LYRM4: variants seen among roughly 807,000 people sequenced by gnomAD.
The protein encoded by LYRM4 is LYR motif-containing protein 4.
LYRM4 carries 9 observed loss-of-function variants against 11.7 expected under a neutral mutation model. That is an observed-to-expected ratio of 0.77 (90% CI 0.46 to 1.34). LYRM4 has a LOEUF of 1.34. LYRM4 is among the 40% of genes most tolerant of loss of function. LYRM4 has a pLI of 0.00. For synonymous variants in LYRM4, 42 were observed against 40.4 expected, an observed-to-expected ratio of 1.04 and a Z score of -0.15; for missense variants, 133 against 112.5, an observed-to-expected ratio of 1.18 and a Z score of -0.82.
chr6:5,116,493 G>A (rs1328936899), intron 2 of LYRM4, among the ~76,000 whole-genome samples: 2 of 152,158 alleles, frequency 1.3e-5, no homozygotes, highest in African/African-American at 2.4e-5. Flanking sequence ...AGCACACAAC[G>A]GGAGGCTAGC....
downstream of LYRM4, among the ~76,000 whole-genome samples, chr6:5,101,968 C>CTTTATTTTTTTTTTTTTTTTT (rs1554124642): frequency 1.5e-5 from 1 of 67,988 alleles, no homozygotes; most frequent in Non-Finnish European, 3.0e-5. Flanking sequence ...CTAATGCTTT[C>CTTTATTTTTTTTTTTTTTTTT]TTTTTTTTTT....
At chr6:5,079,163 C>G in the LYRM4 span, among the ~76,000 whole-genome samples, 1 of 152,086 alleles carries the variant, frequency 6.6e-6, no homozygotes, top group East Asian at 1.9e-4. Context: ...GGTCTGAGAG[C>G]TTACACACCC....
At chr6:5,185,405 G>A (rs995972782) in intron 2 of LYRM4, among the ~76,000 whole-genome samples, 2 of 152,186 alleles carry the variant, frequency 1.3e-5, no homozygotes, top group African/African-American at 4.8e-5. Context: ...ATAAGCTTCT[G>A]TAGACATACC....
At chr6:5,117,833 A>C (rs984752831) in intron 2 of LYRM4, among the ~76,000 whole-genome samples, 1 of 151,918 alleles carries the variant, frequency 6.6e-6, no homozygotes, top group Admixed American at 6.6e-5. Context: ...TCGCCTGTGA[A>C]TAAATACTGC....
Position 5,135,430 on chromosome 6 carries a change from G to A in LYRM4, c.208-25939C>T, listed in dbSNP as rs1260407133. ...GTGGAGGGTGCGGTTCACTCCCGGG[G>A]CTGTGGAGGGTGCGGTTCACTCCCG... On this transcript the variant is annotated intron_variant, in intron 2 of 2. Coordinates refer to ENST00000330636, the MANE Select transcript of LYRM4 (RefSeq NM_020408.6). Among the ~76,000 whole-genome samples the A allele has an allele frequency of 7.5e-5, 3 of 39,872 alleles. No homozygotes were observed. In the South Asian group the frequency reaches 4.9e-3, roughly 65 times the overall value. The allele number at this position is 39,872 out of a possible 152,430, so 26.2% of individuals were successfully genotyped here. A position where few individuals can be genotyped will look rare whatever the true frequency, so the allele number is the denominator to read the frequency against.
intron 2 of LYRM4, among the ~76,000 whole-genome samples, chr6:5,128,428 A>C (rs1315020239): frequency 6.6e-6 from 1 of 152,192 alleles, no homozygotes; most frequent in Middle Eastern, 3.2e-3. Flanking sequence ...CTCAGGAGTA[A>C]ATGGAACTAC....
intron 2 of LYRM4, among the ~76,000 whole-genome samples, chr6:5,120,739 C>A (rs563311441): frequency 3.3e-5 from 5 of 152,134 alleles, no homozygotes; most frequent in African/African-American, 1.2e-4. Flanking sequence ...AGCCTCAGAG[C>A]GCTGATTGGT....
At chr6:5,139,247 C>T (rs1216065334) in intron 2 of LYRM4, among the ~76,000 whole-genome samples, 1 of 152,218 alleles carries the variant, frequency 6.6e-6, no homozygotes, top group African/African-American at 2.4e-5. Flanking sequence ...CCAGGCACCG[C>T]TGCATTTCCA....
downstream of LYRM4, chr6:5,102,449 G>A (rs1762535005): frequency 6.6e-6 from 1 of 152,182 alleles, no homozygotes; most frequent in African/African-American, 2.4e-5. Flanking sequence ...CTGTATTCAA[G>A]ACTGATGAAG....
chr6:5,105,059 T>C (rs2127590660), downstream of LYRM4: 1 of 152,342 alleles, frequency 6.6e-6, no homozygotes, highest in Non-Finnish European at 1.5e-5. Flanking sequence ...GTTTGCTATG[T>C]GGCCCTGAGA....
the LYRM4 span, among the ~76,000 whole-genome samples, chr6:5,050,272 C>A: frequency 6.6e-6 from 1 of 152,232 alleles, no homozygotes; most frequent in South Asian, 2.1e-4. Flanking sequence ...ACCAGCCAGG[C>A]AAACAGCTAT....
chr6:5,117,970 G>A (rs1479863060), intron 2 of LYRM4, among the ~76,000 whole-genome samples: 3 of 151,406 alleles, frequency 2.0e-5, no homozygotes, highest in African/African-American at 4.9e-5. Flanking sequence ...AGTACCTTCT[G>A]ATACACCCAG....
intron 2 of LYRM4, among the ~76,000 whole-genome samples, chr6:5,179,777 T>C (rs893627674): frequency 6.6e-6 from 1 of 152,220 alleles, no homozygotes; most frequent in Non-Finnish European, 1.5e-5. Flanking sequence ...TTTGAGTATA[T>C]AGCCAGAAGT....
At chr6:5,064,336 T>G in the LYRM4 span, among the ~76,000 whole-genome samples, 1 of 152,174 alleles carries the variant, frequency 6.6e-6, no homozygotes, top group Non-Finnish European at 1.5e-5. Context: ...TTTAGTCATC[T>G]TTTAAATTTT....
chr6:5,107,787 G>T (rs992832723), downstream of LYRM4: 1 of 151,994 alleles, frequency 6.6e-6, no homozygotes, highest in Non-Finnish European at 1.5e-5. Flanking sequence ...CAGCACTTTG[G>T]GGGGCCGAGG....
At chr6:5,086,129 G>C in the LYRM4 span, 1 of 1,478,052 alleles carries the variant, frequency 6.8e-7, no homozygotes, top group Non-Finnish European at 8.9e-7. Flanking sequence ...CGTCTGCAGC[G>C]GCAGCGCGTG....
At position 5,179,189 on chromosome 6, in the gene LYRM4, T is replaced by G. The variant is rs549344805; in HGVS notation, c.207+37429A>C. On this transcript the variant is annotated intron_variant, in intron 2 of 2. Coordinates refer to ENST00000330636, the MANE Select transcript of LYRM4 (RefSeq NM_020408.6). ...GGTAAAATATATATAACACAAAATT[T>G]AGCATGTAAAGCCCTTTTCCAGAAG... is the stretch of plus-strand genomic sequence containing the variant. 4.6e-5 allele frequency among the ~76,000 whole-genome samples: 7 copies of G among 152,276 alleles called. No individual in the cohort carries two copies. In the South Asian group the frequency reaches 1.0e-3, roughly 23 times the overall value.
intron 2 of LYRM4, among the ~76,000 whole-genome samples, chr6:5,215,995 A>G (rs754332936): frequency 6.6e-5 from 10 of 152,210 alleles, no homozygotes; most frequent in Non-Finnish European, 8.8e-5. Flanking sequence ...ACCACGCAGG[A>G]GATCATGCCG....
At chr6:5,085,861 G>A in the LYRM4 span, 338 of 1,530,622 alleles carry the variant, frequency 2.2e-4, 1 homozygote, top group Non-Finnish European at 2.3e-4. Flanking sequence ...CGGCTGCTGC[G>A]CCAAGTGCAA....
Sources: gnomAD v4.1 joint callset for allele counts (sites outside exome capture counted in the v4.1 genomes callset) on GRCh38, gnomAD v4.1.1 for gene constraint, MANE v1.5 for transcripts, NCBI Gene and HGNC (gene_info 2026-07-23, HGNC 2026-07-21) for gene names.